VEPH1: variants seen among roughly 807,000 people sequenced by gnomAD.
The protein encoded by VEPH1 is ventricular zone expressed PH domain containing 1.
Under a neutral mutation model 85.2 loss-of-function variants are expected in VEPH1, and 80 were observed. The ratio of observed to expected loss-of-function variants is 0.94; its 90% CI spans 0.78 to 1.13. VEPH1 has a LOEUF of 1.13. Ranked by LOEUF, VEPH1 falls within the 50% of genes most tolerant of loss-of-function variation. The pLI is 0.00. For synonymous variants in VEPH1, 297 were observed against 348.0 expected (o/e 0.85, Z 1.63); for missense variants, 955 against 980.5 (o/e 0.97, Z 0.35).
chr3:157,454,361 G>A lies in VEPH1; in HGVS notation c.529+5820C>T, dbSNP rs79833096. On this transcript the variant is annotated intron_variant, in intron 4 of 13. Coordinates refer to ENST00000362010, the MANE Select transcript of VEPH1 (RefSeq NM_001167912.2). ...AGTGATAAATTTCCACTCTCAGCTG[G>A]AGTTCAGACATACCTGGCAGACCAC... Among the ~76,000 whole-genome samples the A allele has an allele frequency of 7.3e-3, 1,112 of 152,242 alleles. 13 individuals are homozygous for A. Among genetic ancestry groups the A allele is most frequent in the African/African-American group, 0.026 (1,063 of 41,548 alleles).
intron 9 of VEPH1, among the ~76,000 whole-genome samples, chr3:157,353,131 TC>T (rs1291523536): frequency 1.3e-5 from 2 of 152,166 alleles, no homozygotes; most frequent in African/African-American, 4.8e-5. Flanking sequence ...ATTACCTAGT[TC>T]CAAGTTACCT....
intron 12 of VEPH1, among the ~76,000 whole-genome samples, chr3:157,278,121 C>T (rs962283291): frequency 6.6e-6 from 1 of 152,082 alleles, no homozygotes; most frequent in African/African-American, 2.4e-5. Flanking sequence ...AGACATTGAT[C>T]TAAAAGTCAC....
intron 4 of VEPH1, chr3:157,442,566 A>T: frequency 6.2e-7 from 1 of 1,614,194 alleles, no homozygotes; most frequent in Non-Finnish European, 8.5e-7. Flanking sequence ...CTACCAATCC[A>T]TAGTGTTTGT....
upstream of VEPH1, chr3:157,503,563 A>G (rs956864712): frequency 6.6e-6 from 1 of 152,220 alleles, no homozygotes; most frequent in African/African-American, 2.4e-5. Flanking sequence ...TTATTTCTAC[A>G]CTAGATTTAC....
intron 7 of VEPH1, among the ~76,000 whole-genome samples, chr3:157,370,794 T>G (rs1727400652): frequency 6.6e-6 from 1 of 152,174 alleles, no homozygotes; most frequent in Non-Finnish European, 1.5e-5. Flanking sequence ...TTAAAAGAGT[T>G]TTCAAAAGGA....
intron 11 of VEPH1, among the ~76,000 whole-genome samples, chr3:157,301,682 A>G (rs1021742507): frequency 1.3e-5 from 2 of 151,798 alleles, no homozygotes; most frequent in African/African-American, 2.4e-5. Flanking sequence ...GTCCCATACA[A>G]TTCCTTTCTT....
intron 9 of VEPH1, among the ~76,000 whole-genome samples, chr3:157,362,547 C>A (rs62278598): frequency 0.23 from 34,362 of 151,984 alleles, 4,726 homozygotes; most frequent in Admixed American, 0.42. Context: ...TTGAATTTAC[C>A]ATTTTTTGAC....
In VEPH1 at chr3:157,470,418, C is replaced by T. The variant is rs776606873; in HGVS notation, c.250G>A (p.Gly84Arg). The T allele has an allele frequency of 1.2e-6, 2 of 1,614,146 alleles. No individual in the cohort carries two copies. The highest frequency in any genetic ancestry group is 1.7e-6 in the Non-Finnish European group (2 of 1,180,040). ...SIEKHAKALV[G>R]LWDSCLEHNL... ...TGTTCCAAGCAGGAGTCCCAGAGCC[C>T]CACAAGGGCCTTTGCATGCTTTTCA... Residue 84 changes from glycine to arginine, a missense_variant, in exon 3 of 14, where the codon GGG (glycine) becomes AGG (arginine). By Grantham distance (125) the Gly-to-Arg change is moderately radical. Transcript: ENST00000362010.
intron 6 of VEPH1, among the ~76,000 whole-genome samples, chr3:157,382,044 G>A (rs543157230): frequency 1.3e-5 from 2 of 152,326 alleles, no homozygotes; most frequent in Non-Finnish European, 2.9e-5. Context: ...TGGTCTCAAA[G>A]TGAGCCTTGA....
At chr3:157,363,871 A>C in intron 8 of VEPH1, 110 bp from the exon 9 acceptor site, 1 of 1,280,274 alleles carries the variant, frequency 7.8e-7, no homozygotes, top group East Asian at 2.4e-5. Flanking sequence ...GGAGTGTGAA[A>C]CTATTAACAG....
At chr3:157,421,677 G>A (rs554663468) in intron 5 of VEPH1, among the ~76,000 whole-genome samples, 2 of 152,252 alleles carry the variant, frequency 1.3e-5, no homozygotes, top group African/African-American at 4.8e-5. Context: ...TACCACCTGT[G>A]GTGACAGACC....
At chr3:157,434,247 C>T (rs1055113148) in intron 4 of VEPH1, among the ~76,000 whole-genome samples, 1 of 152,046 alleles carries the variant, frequency 6.6e-6, no homozygotes, top group Non-Finnish European at 1.5e-5. Context: ...AACATTTCTA[C>T]TTTATGTTTT....
At chr3:157,434,851 T>C (rs1560058124) in intron 4 of VEPH1, among the ~76,000 whole-genome samples, 2 of 152,192 alleles carry the variant, frequency 1.3e-5, no homozygotes, top group Admixed American at 1.3e-4. Context: ...GTAGTTGTCC[T>C]TAAACTTATA....
intron 6 of VEPH1, among the ~76,000 whole-genome samples, chr3:157,394,620 C>T (rs1730191547): frequency 1.3e-5 from 2 of 152,092 alleles, no homozygotes; most frequent in African/African-American, 4.8e-5. Context: ...GAGCTTTACT[C>T]ATGGCAGAAG....
At chr3:157,472,973 C>T (rs1208519667) in intron 2 of VEPH1, among the ~76,000 whole-genome samples, 1 of 151,656 alleles carries the variant, frequency 6.6e-6, no homozygotes, top group East Asian at 1.9e-4. Flanking sequence ...AAATTTTTGA[C>T]CATGTTTCCT....
At chr3:157,271,529 G>A (rs1714549611) in intron 12 of VEPH1, among the ~76,000 whole-genome samples, 1 of 152,184 alleles carries the variant, frequency 6.6e-6, no homozygotes, top group South Asian at 2.1e-4. Flanking sequence ...GGACTTAGTG[G>A]GAGACCTGTA....
At chr3:157,294,627 A>G (rs1156716557) in intron 11 of VEPH1, among the ~76,000 whole-genome samples, 1 of 152,234 alleles carries the variant, frequency 6.6e-6, no homozygotes, top group Non-Finnish European at 1.5e-5. Context: ...ATATTCTTAC[A>G]CGTGTTCCCT....
intron 4 of VEPH1, among the ~76,000 whole-genome samples, chr3:157,454,154 A>C (rs116479765): frequency 2.0e-5 from 3 of 152,150 alleles, no homozygotes; most frequent in Non-Finnish European, 4.4e-5. Context: ...TTCCTATAAA[A>C]TTTGTTTCAA....
chr3:157,461,502 T>C (rs1245955329), intron 3 of VEPH1, among the ~76,000 whole-genome samples: 2 of 152,240 alleles, frequency 1.3e-5, no homozygotes, highest in South Asian at 2.1e-4. Flanking sequence ...GCTGAGCTTG[T>C]ACCCTGATTA....
Sources: allele counts gnomAD v4.1 joint callset (sites outside exome capture counted in the v4.1 genomes callset), GRCh38; gene constraint gnomAD v4.1.1; transcripts MANE v1.5; gene names NCBI Gene and HGNC (gene_info 2026-07-23, HGNC 2026-07-21).